Variants in FOXP1 observed in about 807,000 individuals in gnomAD.
FOXP1 encodes forkhead box protein P1.
A neutral mutation model predicts 98.2 loss-of-function variants in FOXP1; 15 were observed. The ratio of observed to expected loss-of-function variants is 0.15; its 90% CI spans 0.10 to 0.24. The LOEUF (loss-of-function observed/expected upper bound fraction) is 0.24, where lower values mean the gene tolerates loss of function less well. Ranked by LOEUF, FOXP1 falls within the 10% of genes least tolerant of loss-of-function variation. The probability of loss-of-function intolerance (pLI) is 1.00; values close to 1 mark genes in which losing one functional copy is unlikely to be tolerated. For missense variants in FOXP1, 633 were observed against 848.5 expected, an observed-to-expected ratio of 0.75 and a Z score of 3.15; for synonymous variants, 371 against 314.5, an observed-to-expected ratio of 1.18 and a Z score of -1.90.
intron 3 of FOXP1, among the ~76,000 whole-genome samples, chr3:71,395,869 T>C (rs1296031655): frequency 6.6e-6 from 1 of 151,970 alleles, no homozygotes; most frequent in East Asian, 1.9e-4. Context: ...CTGTAATTAA[T>C]GGGGGGGTTG....
In FOXP1 at chr3:71,198,308, T is replaced by C; in HGVS notation, c.74A>G (p.His25Arg). The C allele has an allele frequency of 1.2e-6, 2 of 1,613,738 alleles. No individual in the cohort carries two copies. Among genetic ancestry groups the C allele is most frequent in the Non-Finnish European group, 1.7e-6 (2 of 1,179,984 alleles). Residue 25 changes from histidine (H) to arginine (R), a missense_variant, in exon 6 of 21, where the codon CAC (histidine) becomes CGC (arginine). This residue lies in a region of FOXP1 where 103 missense variants were observed against 85.5 expected (regional missense o/e 1.20). Coordinates refer to ENST00000649528, the MANE Select transcript of FOXP1 (RefSeq NM_001349338.3). ...CCGAAGACCGCCGCACTCTAGTAAG[T>C]GGTTGCTGCCGCCCGACCCATTCTG... Reference protein sequence around the residue: ...AIQNGSGGSNHLLECGGLREG... With the variant: ...AIQNGSGGSNRLLECGGLREG...
chr3:70,957,244 T>A lies in FOXP1; in HGVS notation c.*2003A>T, dbSNP rs1265462876. 1.3e-5 allele frequency: 3 copies of A among 225,194 alleles called. No homozygotes were observed. Among genetic ancestry groups the A allele is most frequent in the African/African-American group, 2.2e-5 (1 of 44,824 alleles). 13.9% of individuals were successfully genotyped at this position (225,194 alleles called of 1,614,324 possible). On this transcript the variant is annotated 3_prime_UTR_variant, in exon 21 of 21. Coordinates refer to ENST00000649528, the MANE Select transcript of FOXP1 (RefSeq NM_001349338.3). ...CTGCAGTAGCCCCATAAAATCTCTT[T>A]AAGAGAATGAGTTTTGGTCTCTGTA...
rs2059524209 is a variant in FOXP1 at position 71,130,736 on chromosome 3, C to G, written c.181-18099G>C. The G allele has an allele frequency of 8.8e-6, 13 of 1,482,980 alleles. No individual in the cohort carries two copies. The East Asian group carries it at 3.2e-4, about 36-fold the overall frequency. The allele number at this position is 1,482,980 out of a possible 1,614,324, so 91.9% of individuals were successfully genotyped here. A position where few individuals can be genotyped will look rare whatever the true frequency, so the allele number is the denominator to read the frequency against. On this transcript the variant is annotated intron_variant, in intron 6 of 20. Coordinates refer to ENST00000649528, the MANE Select transcript of FOXP1 (RefSeq NM_001349338.3). The stretch of plus-strand genomic sequence containing the variant: ...TTTGCCTCCACAGTAGCTGGCTGGG[C>G]TCTCACTAAATGACAAAGAAACCAC...
At chr3:71,536,333 G>A (rs925073432) in intron 2 of FOXP1, among the ~76,000 whole-genome samples, 6 of 151,976 alleles carry the variant, frequency 3.9e-5, no homozygotes, top group African/African-American at 1.5e-4. Flanking sequence ...AATGCAATTC[G>A]CTTACCCTAC....
chr3:71,095,469 G>A (rs1241203448), intron 7 of FOXP1, among the ~76,000 whole-genome samples: 2 of 152,306 alleles, frequency 1.3e-5, no homozygotes, highest in East Asian at 3.9e-4. Flanking sequence ...ATATGCTAAT[G>A]TAAAACAGAT....
intron 3 of FOXP1, among the ~76,000 whole-genome samples, chr3:71,359,927 G>A (rs1179325545): frequency 2.0e-5 from 3 of 152,014 alleles, no homozygotes; most frequent in African/African-American, 7.3e-5. Context: ...CGAGTAGCTG[G>A]GATTACAGGT....
intron 7 of FOXP1, among the ~76,000 whole-genome samples, chr3:71,098,620 T>A (rs112880789): frequency 0.012 from 1,787 of 152,316 alleles, 41 homozygotes; most frequent in African/African-American, 0.041. Flanking sequence ...TTGGCTTAGG[T>A]ATTTTACTCC....
chr3:71,396,971 T>TATATATATATACAC lies in FOXP1; in HGVS notation c.-167-37728_-167-37727insGTGTATATATATAT, dbSNP rs1323246567. On this transcript the variant is annotated intron_variant, in intron 3 of 20. Coordinates refer to ENST00000649528, the MANE Select transcript of FOXP1 (RefSeq NM_001349338.3). ...ATGTGTATATATATATATGTGTGTA[T>TATATATATATACAC]ATATATATATGTGTATATATATACA... 5.1e-3 allele frequency among the ~76,000 whole-genome samples: 94 copies of TATATATATATACAC among 18,258 alleles called. 13 individuals carry two copies. Among genetic ancestry groups the TATATATATATACAC allele is most frequent in the Non-Finnish European group, 0.013 (68 of 5,230 alleles). 12.0% of individuals were successfully genotyped at this position (18,258 alleles called of 152,430 possible).
intron 7 of FOXP1, chr3:71,064,751 C>A (rs1299216648): frequency 1.2e-5 from 12 of 972,364 alleles, no homozygotes; most frequent in African/African-American, 1.8e-5. Context: ...CCCAGCGAGG[C>A]CCCCAGGAAG....
At chr3:71,062,094 A>C (rs1416984250) in intron 7 of FOXP1, among the ~76,000 whole-genome samples, 2 of 152,210 alleles carry the variant, frequency 1.3e-5, no homozygotes, top group Admixed American at 1.3e-4. Flanking sequence ...CAACGTGTAA[A>C]TGCAAGGCAG....
At chr3:71,264,747 C>T (rs1020315912) in intron 5 of FOXP1, among the ~76,000 whole-genome samples, 2 of 152,146 alleles carry the variant, frequency 1.3e-5, no homozygotes, top group African/African-American at 4.8e-5. Flanking sequence ...TAAAGAATTA[C>T]GCGATTGATA....
intron 5 of FOXP1, among the ~76,000 whole-genome samples, chr3:71,232,549 A>C (rs1041945870): frequency 6.6e-6 from 1 of 152,068 alleles, no homozygotes; most frequent in African/African-American, 2.4e-5. Flanking sequence ...ATTCACATCC[A>C]TAGATCTCAA....
chr3:70,989,435 T>C (rs939859276), intron 13 of FOXP1, among the ~76,000 whole-genome samples: 16 of 152,172 alleles, frequency 1.1e-4, no homozygotes, highest in Admixed American at 3.3e-4. Context: ...TAGGAGCCAC[T>C]TGATGGTATT....
At chr3:71,304,703 T>C (rs1261810781) in intron 4 of FOXP1, 2 of 152,242 alleles carry the variant, frequency 1.3e-5, no homozygotes, top group Non-Finnish European at 2.9e-5. Flanking sequence ...TTTGTAATTT[T>C]GTTATTAAAA....
chr3:70,970,889 T>C (rs2036084472), intron 18 of FOXP1, 84 bp from the exon 19 acceptor site: 19 of 1,072,184 alleles, frequency 1.8e-5, no homozygotes, highest in East Asian at 1.4e-4. Context: ...AGCTTGCTGG[T>C]GCCCTTCCAA....
intron 3 of FOXP1, among the ~76,000 whole-genome samples, chr3:71,385,046 G>T (rs1207745748): frequency 6.6e-6 from 1 of 151,728 alleles, no homozygotes; most frequent in African/African-American, 2.4e-5. Flanking sequence ...CAACATCAGT[G>T]ACCCTGAAGT....
chr3:71,347,567 C>A (rs922314219), intron 4 of FOXP1, among the ~76,000 whole-genome samples: 1 of 152,110 alleles, frequency 6.6e-6, no homozygotes, highest in African/African-American at 2.4e-5. Context: ...CATCAATCAA[C>A]AAGATACTGA....
At chr3:71,446,343 G>A (rs572513865) in intron 3 of FOXP1, among the ~76,000 whole-genome samples, 49 of 152,200 alleles carry the variant, frequency 3.2e-4, no homozygotes, top group African/African-American at 1.2e-3. Context: ...CAGCCCAGGA[G>A]GAAACAGGGA....
At chr3:71,223,064 C>A (rs1377225977) in intron 5 of FOXP1, among the ~76,000 whole-genome samples, 2 of 152,168 alleles carry the variant, frequency 1.3e-5, no homozygotes, top group African/African-American at 4.8e-5. Flanking sequence ...CCTCAAAGAA[C>A]CTTCAGCTGA....
Sources: allele counts gnomAD v4.1 joint callset (sites outside exome capture counted in the v4.1 genomes callset), GRCh38; gene constraint gnomAD v4.1.1; regional missense constraint gnomAD v4.1.1; transcripts MANE v1.5; gene names NCBI Gene and HGNC (gene_info 2026-07-23, HGNC 2026-07-21).